Variants in FMN2 observed in about 807,000 individuals in gnomAD.
FMN2 encodes formin 2.
Under a neutral mutation model 142.3 loss-of-function variants are expected in FMN2, and 51 were observed. The observed-to-expected ratio is 0.36, with a 90% CI of 0.29 to 0.45. The LOEUF is 0.45. FMN2 is among the 20% of genes least tolerant of loss of function. The pLI is 1.00. For synonymous variants in FMN2, 882 were observed against 869.8 expected (o/e 1.01, Z -0.25); for missense variants, 1,936 against 2,122.8 (o/e 0.91, Z 1.73).
chr1:240,113,292 G>A (rs570525658), intron 1 of FMN2, among the ~76,000 whole-genome samples: 5 of 152,020 alleles, frequency 3.3e-5, no homozygotes, highest in Admixed American at 1.3e-4. Context: ...GGCCGGGCAC[G>A]GTGGTGCGCA....
At chr1:240,094,680 G>C (rs990720204) in intron 1 of FMN2, among the ~76,000 whole-genome samples, 3 of 152,084 alleles carry the variant, frequency 2.0e-5, no homozygotes, top group Non-Finnish European at 1.5e-5. Context: ...AGAATTTAAT[G>C]AATCGAAAAA....
At chr1:240,412,875 C>T (rs375491816) in intron 15 of FMN2, among the ~76,000 whole-genome samples, 2 of 151,882 alleles carry the variant, frequency 1.3e-5, no homozygotes, top group East Asian at 2.0e-4. Context: ...TAAATCCCAG[C>T]GCTTTGGGAG....
At chr1:240,177,858 T>A in intron 2 of FMN2, 63 bp from the exon 3 acceptor site, 1 of 1,412,336 alleles carries the variant, frequency 7.1e-7, no homozygotes, top group South Asian at 1.7e-5. Flanking sequence ...AATGTATTAG[T>A]CATGGCTTAT....
intron 8 of FMN2, among the ~76,000 whole-genome samples, chr1:240,321,823 A>G (rs1055755346): frequency 1.3e-5 from 2 of 152,210 alleles, no homozygotes; most frequent in East Asian, 3.9e-4. Context: ...TAAAGAAAAA[A>G]ATCAAATTAT....
At chr1:240,171,134 GA>G in intron 2 of FMN2, 1 of 1,284,292 alleles carries the variant, frequency 7.8e-7, no homozygotes, top group Non-Finnish European at 1.1e-6. Context: ...TTTGGAGGGT[GA>G]AAGAGTGTAG....
At chr1:240,140,945 C>T (rs558112796) in intron 2 of FMN2, among the ~76,000 whole-genome samples, 3 of 152,186 alleles carry the variant, frequency 2.0e-5, no homozygotes, top group East Asian at 1.9e-4. Context: ...CTTTTCTGTC[C>T]AAAATAGCTT....
chr1:240,211,556 G>T (rs1158878510), intron 6 of FMN2, among the ~76,000 whole-genome samples: 1 of 152,146 alleles, frequency 6.6e-6, no homozygotes, highest in Non-Finnish European at 1.5e-5. Context: ...CCATCTGAGT[G>T]CTCCTATGGA....
At chr1:240,418,938 C>T (rs1674672157) in intron 15 of FMN2, among the ~76,000 whole-genome samples, 1 of 152,060 alleles carries the variant, frequency 6.6e-6, no homozygotes, top group Non-Finnish European at 1.5e-5. Context: ...GAAACCCCGT[C>T]TCTACTAAAA....
chr1:240,103,895 T>G (rs889685379), intron 1 of FMN2, among the ~76,000 whole-genome samples: 94 of 152,028 alleles, frequency 6.2e-4, no homozygotes, highest in African/African-American at 2.1e-3. Context: ...TATTTTTTTT[T>G]GTGACGGAGT....
intron 2 of FMN2, chr1:240,144,231 C>T: frequency 6.4e-7 from 1 of 1,560,188 alleles, no homozygotes; most frequent in South Asian, 1.1e-5. Context: ...ACAAAAGCTG[C>T]ATTCACAAAG....
At chr1:240,266,700 C>T (rs12039020) in intron 7 of FMN2, among the ~76,000 whole-genome samples, 41,298 of 151,590 alleles carry the variant, frequency 0.27, 5,776 homozygotes, top group Middle Eastern at 0.35. Flanking sequence ...TTTGGTAGAA[C>T]AATTTATTAT....
chr1:240,146,211 G>A (rs180812537), intron 2 of FMN2, among the ~76,000 whole-genome samples: 2,963 of 138,346 alleles, frequency 0.021, 81 homozygotes, highest in African/African-American at 0.072. Context: ...GAGAAACCCC[G>A]TCTCTACTAA....
intron 15 of FMN2, among the ~76,000 whole-genome samples, chr1:240,412,948 C>T (rs1674447892): frequency 6.6e-6 from 1 of 151,226 alleles, no homozygotes; most frequent in African/African-American, 2.4e-5. Flanking sequence ...CGGTGAAACC[C>T]CGTCTCTACT....
chr1:240,285,766 CT>C (rs1669568805), intron 7 of FMN2, among the ~76,000 whole-genome samples: 1 of 152,162 alleles, frequency 6.6e-6, no homozygotes, highest in Admixed American at 6.5e-5. Flanking sequence ...ATCTAAAACA[CT>C]GGTGACTCAG....
intron 16 of FMN2, among the ~76,000 whole-genome samples, chr1:240,444,264 G>A (rs12750633): frequency 0.2 from 29,954 of 152,104 alleles, 3,074 homozygotes; most frequent in Middle Eastern, 0.26. Flanking sequence ...ACTGGTTGGT[G>A]TATCATGCAG....
intron 7 of FMN2, among the ~76,000 whole-genome samples, chr1:240,266,020 C>CCTT (rs1668786170): frequency 7.3e-6 from 1 of 136,424 alleles, no homozygotes; most frequent in South Asian, 2.3e-4. Context: ...CTGTTACTTC[C>CCTT]TTTTTTTTTT....
intron 6 of FMN2, among the ~76,000 whole-genome samples, chr1:240,215,797 C>T (rs775828140): frequency 3.9e-5 from 6 of 152,102 alleles, no homozygotes; most frequent in Non-Finnish European, 7.4e-5. Context: ...CAACCTCCCC[C>T]TCCCGGGTTC....
At position 240,129,716 on chromosome 1, in the gene FMN2, T is replaced by C. The variant is rs1662658064; in HGVS notation, c.1782+6371T>C. 3.3e-5 allele frequency among the ~76,000 whole-genome samples: 5 copies of C among 152,188 alleles called. No individual in the cohort carries two copies. In the South Asian group the frequency reaches 1.0e-3, roughly 32 times the overall value. On this transcript the variant is annotated intron_variant, in intron 2 of 17. Coordinates refer to ENST00000319653, the MANE Select transcript of FMN2 (RefSeq NM_020066.5). ...TGGGGTTTGGCCATGTTGCCCAAGC[T>C]GGTCTCGAACTCCTGACCTCAAGTG...
chr1:240,285,950 T>C (rs1377098888), intron 7 of FMN2, among the ~76,000 whole-genome samples: 1 of 152,100 alleles, frequency 6.6e-6, no homozygotes, highest in East Asian at 1.9e-4. Context: ...AGGCTTCCCA[T>C]AGATGATTTG....
Sources: gnomAD v4.1 joint callset for allele counts (sites outside exome capture counted in the v4.1 genomes callset) on GRCh38, gnomAD v4.1.1 for gene constraint, MANE v1.5 for transcripts, NCBI Gene and HGNC (gene_info 2026-07-23, HGNC 2026-07-21) for gene names.